Variants in ATG5 observed in about 807,000 individuals in gnomAD.
The protein encoded by ATG5 is autophagy protein 5.
ATG5 carries 14 observed loss-of-function variants against 36.5 expected under a neutral mutation model. That is an observed-to-expected ratio of 0.38 (90% CI 0.25 to 0.60). The LOEUF is 0.60. Ranked by LOEUF, ATG5 falls within the 20% of genes least tolerant of loss-of-function variation. The probability of loss-of-function intolerance (pLI) is 0.60; values close to 1 mark genes in which losing one functional copy is unlikely to be tolerated. For synonymous variants in ATG5, 95 were observed against 101.5 expected (o/e 0.94, Z 0.38); for missense variants, 195 against 326.7 (o/e 0.60, Z 3.11).
At chr6:106,323,323 A>G (rs1455383599) in intron 1 of ATG5, among the ~76,000 whole-genome samples, 3 of 131,916 alleles carry the variant, frequency 2.3e-5, no homozygotes, top group Admixed American at 9.0e-5. Context: ...AGGATGGACT[A>G]CAGTGAAGGA....
chr6:106,223,929 G>C (rs999596245), intron 6 of ATG5, among the ~76,000 whole-genome samples: 5 of 152,236 alleles, frequency 3.3e-5, no homozygotes, highest in African/African-American at 1.2e-4. Flanking sequence ...GGTTAAATTA[G>C]TTAATTCTTC....
intron 5 of ATG5, among the ~76,000 whole-genome samples, chr6:106,251,140 C>T (rs921903519): frequency 3.3e-5 from 5 of 152,230 alleles, no homozygotes; most frequent in Non-Finnish European, 5.9e-5. Context: ...CTCTGGAGGC[C>T]TGCATGGGCT....
chr6:106,321,140 A>G (rs1771048330), intron 1 of ATG5, among the ~76,000 whole-genome samples: 1 of 152,218 alleles, frequency 6.6e-6, no homozygotes, highest in Non-Finnish European at 1.5e-5. Context: ...CCTATTAGTT[A>G]CGTGTCTTGA....
chr6:106,248,551 T>C (rs780241290), intron 5 of ATG5, among the ~76,000 whole-genome samples: 3 of 152,190 alleles, frequency 2.0e-5, no homozygotes, highest in Non-Finnish European at 2.9e-5. Context: ...AGGTAGAGGA[T>C]AGATGTCTTG....
At chr6:106,315,952 T>G in intron 2 of ATG5, 149 bp downstream of exon 2, 1 of 613,456 alleles carries the variant, frequency 1.6e-6, no homozygotes, top group Non-Finnish European at 2.8e-6. Context: ...ATTTCCTTCT[T>G]TATGCTTATC....
chr6:106,193,578 T>C (rs966442084), intron 7 of ATG5, among the ~76,000 whole-genome samples: 7 of 152,276 alleles, frequency 4.6e-5, no homozygotes, highest in African/African-American at 1.4e-4. Context: ...TAAAACTGAT[T>C]AAAAGCTTCC....
intron 5 of ATG5, among the ~76,000 whole-genome samples, chr6:106,254,628 T>A (rs1035419999): frequency 4.6e-5 from 7 of 152,346 alleles, no homozygotes; most frequent in Admixed American, 4.6e-4. Flanking sequence ...AATAGTTGTG[T>A]GAGTTTTAGC....
rs368194044 is a variant in ATG5 at position 106,247,506 on chromosome 6, T to C, written c.573+644A>G. Among the ~76,000 whole-genome samples the C allele has an allele frequency of 7.9e-5, 12 of 152,312 alleles. No individual in the cohort carries two copies. In the South Asian group the frequency reaches 8.3e-4, roughly 11 times the overall value. On this transcript the variant is annotated intron_variant, in intron 6 of 7. Transcript: ENST00000369076. ...AAACAGACTTAGTAAATTCTTGTGATTTGCAGTAGTTCTGTTCTATAAGGT... is the reference window on the plus strand; with the variant it reads ...AAACAGACTTAGTAAATTCTTGTGACTTGCAGTAGTTCTGTTCTATAAGGT...
At chr6:106,230,692 C>G (rs192588697) in intron 6 of ATG5, among the ~76,000 whole-genome samples, 4 of 152,038 alleles carry the variant, frequency 2.6e-5, no homozygotes, top group Non-Finnish European at 5.9e-5. Flanking sequence ...AAAAACACCC[C>G]TAAGATGTAT....
chr6:106,195,022 A>G (rs1776120424), intron 7 of ATG5, among the ~76,000 whole-genome samples: 1 of 152,186 alleles, frequency 6.6e-6, no homozygotes, highest in African/African-American at 2.4e-5. Flanking sequence ...ACCTTTGGTC[A>G]TTTCCTGTTA....
chr6:106,253,103 C>A (rs565400949), intron 5 of ATG5, among the ~76,000 whole-genome samples: 5 of 152,066 alleles, frequency 3.3e-5, no homozygotes, highest in Non-Finnish European at 5.9e-5. Context: ...TTTCTTCATA[C>A]GTAATATGTT....
intron 6 of ATG5, among the ~76,000 whole-genome samples, chr6:106,235,064 A>T (rs1472135282): frequency 1.3e-5 from 2 of 152,234 alleles, no homozygotes; most frequent in Admixed American, 1.3e-4. Context: ...GAAATTCGAG[A>T]TTGAATACAA....
chr6:106,247,608 C>A (rs1752741200), intron 6 of ATG5, among the ~76,000 whole-genome samples: 1 of 152,170 alleles, frequency 6.6e-6, no homozygotes, highest in Non-Finnish European at 1.5e-5. Context: ...ACAACATGTT[C>A]ATTAACTGAT....
At chr6:106,295,936 T>A (rs1358702029) in intron 3 of ATG5, among the ~76,000 whole-genome samples, 1 of 152,178 alleles carries the variant, frequency 6.6e-6, no homozygotes, top group East Asian at 1.9e-4. Flanking sequence ...AATTATTTTT[T>A]TAACCCTCAA....
At chr6:106,252,315 C>T (rs949397659) in intron 5 of ATG5, among the ~76,000 whole-genome samples, 92 of 151,168 alleles carry the variant, frequency 6.1e-4, no homozygotes, top group African/African-American at 2.0e-3. Flanking sequence ...AAGCATAAAA[C>T]TGAAGGACTG....
chr6:106,236,465 T>A (rs965071075), intron 6 of ATG5, among the ~76,000 whole-genome samples: 1 of 152,230 alleles, frequency 6.6e-6, no homozygotes, highest in Non-Finnish European at 1.5e-5. Flanking sequence ...ATGAGAGTTA[T>A]ATTTGCTCCA....
chr6:106,196,098 A>G (rs1176127706), intron 7 of ATG5, among the ~76,000 whole-genome samples: 1 of 152,178 alleles, frequency 6.6e-6, no homozygotes, highest in Non-Finnish European at 1.5e-5. Flanking sequence ...AAATTCAACA[A>G]GAGTGGTCAG....
At chr6:106,316,343 A>T (rs976841437) in intron 1 of ATG5, 77 bp from the exon 2 acceptor site, 8 of 508,208 alleles carry the variant, frequency 1.6e-5, no homozygotes, top group East Asian at 1.0e-4. Flanking sequence ...AGATTATTTT[A>T]AAAAATCCAT....
intron 7 of ATG5, among the ~76,000 whole-genome samples, chr6:106,187,332 GGGCT>G (rs906354905): frequency 1.3e-5 from 2 of 152,010 alleles, no homozygotes; most frequent in Non-Finnish European, 2.9e-5. Flanking sequence ...AATTAAAAGG[GGGCT>G]GAAATTTACA....
Sources: allele counts gnomAD v4.1 joint callset (sites outside exome capture counted in the v4.1 genomes callset), GRCh38; gene constraint gnomAD v4.1.1; transcripts MANE v1.5; gene names NCBI Gene and HGNC (gene_info 2026-07-23, HGNC 2026-07-21).